The following EBF4 variants were observed in gnomAD, a reference collection of about 807,000 sequenced individuals.
EBF4 encodes transcription factor COE4.
Under a neutral mutation model 67.1 loss-of-function variants are expected in EBF4, and 34 were observed. The ratio of observed to expected loss-of-function variants is 0.51; its 90% CI spans 0.39 to 0.67. The LOEUF (loss-of-function observed/expected upper bound fraction) is 0.67. Among genes scored for constraint, EBF4 ranks in the 30% least tolerant of loss-of-function variants. The pLI is 0.00. For synonymous variants in EBF4, 387 were observed against 377.7 expected (o/e 1.02, Z -0.29); for missense variants, 837 against 873.3 (o/e 0.96, Z 0.52).
At position 2,697,386 on chromosome 20, in the gene EBF4, A is replaced by G. The variant is rs546861664; in HGVS notation, c.137+3604A>G. 1.0e-3 allele frequency among the ~76,000 whole-genome samples: 157 copies of G among 151,864 alleles called. 1 individual carries two copies. Among genetic ancestry groups the G allele is most frequent in the Admixed American group, 1.8e-3 (28 of 15,280 alleles). On this transcript the variant is annotated intron_variant, in intron 1 of 16. Transcript: ENST00000609451. ...CGGTGAAACCCCGTCTCTACTAAAAATACAAAAAATTAGCCGGGCGTGGTG... is the reference window on the plus strand; with the variant it reads ...CGGTGAAACCCCGTCTCTACTAAAAGTACAAAAAATTAGCCGGGCGTGGTG...
In EBF4 at chr20:2,709,819, G is replaced by T. The variant is rs1285124680; in HGVS notation, c.557+177G>T. ...AGGCACCAGGGAGCCTCCAGCCGTG[G>T]CCCCTGAGTGAGGCCCCAGGTGGCC... On this transcript the variant is annotated intron_variant, in intron 6 of 16. Transcript: ENST00000609451. 2.0e-5 allele frequency among the ~76,000 whole-genome samples: 3 copies of T among 151,318 alleles called. No homozygotes were observed. In the East Asian group the frequency reaches 5.9e-4, roughly 30 times the overall value.
At chr20:2,695,548 G>C (rs377686354) in intron 1 of EBF4, among the ~76,000 whole-genome samples, 1 of 152,152 alleles carries the variant, frequency 6.6e-6, no homozygotes. Flanking sequence ...TAATCCCCAA[G>C]TGTGGAGACT....
At chr20:2,750,093 T>G in intron 10 of EBF4, 120 bp downstream of exon 10, 2 of 1,394,974 alleles carry the variant, frequency 1.4e-6, no homozygotes, top group East Asian at 2.6e-5. Flanking sequence ...CCACGACCCC[T>G]AGACGGCCCC....
chr20:2,746,731 C>T (rs541632584), intron 6 of EBF4, among the ~76,000 whole-genome samples: 2 of 152,040 alleles, frequency 1.3e-5, no homozygotes, highest in Non-Finnish European at 2.9e-5. Flanking sequence ...GTAACTATAC[C>T]GTGGTTAAAG....
In EBF4 at chr20:2,709,587, CG is replaced by C; in HGVS notation, c.504del (p.Lys169ArgfsTer32). 2 of 1,556,340 alleles carry C rather than the reference CG, an allele frequency of 1.3e-6. No homozygotes were observed. The highest frequency in any genetic ancestry group is 1.7e-6 in the Non-Finnish European group (2 of 1,149,470). On this transcript the variant is annotated frameshift_variant, in exon 6 of 17. Transcript: ENST00000609451. LOFTEE classifies it high-confidence loss of function. ...TCTTTCCTTCAGCCGGTGCTGTGAC[CG>C]GAAGAGCTGTGGCAACCGGAATGAG...
rs1310201425 is a variant in EBF4 at position 2,756,373 on chromosome 20, A to G, written c.1738+549A>G. ...AAATGGCTGTTCTCTCACTTTACCC[A>G]TGTGCAGCAGAACCTTTGAACCAGC... is the stretch of plus-strand genomic sequence containing the variant. On this transcript the variant is annotated intron_variant, in intron 15 of 16. Transcript: ENST00000609451. The surrounding 1 kb of genome is among the most constrained non-coding windows in gnomAD (Gnocchi z 4.5). Among the ~76,000 whole-genome samples the G allele has an allele frequency of 6.6e-6, 1 of 152,138 alleles. No individual in the cohort carries two copies. Among genetic ancestry groups the G allele is most frequent in the African/African-American group, 2.4e-5 (1 of 41,408 alleles).
At chr20:2,694,761 A>T (rs1165846390) in intron 1 of EBF4, among the ~76,000 whole-genome samples, 1 of 151,718 alleles carries the variant, frequency 6.6e-6, no homozygotes, top group African/African-American at 2.4e-5. Flanking sequence ...CCACATTCAC[A>T]CTCCGCAGGA....
chr20:2,757,363 A>G (rs1455412886), intron 15 of EBF4, among the ~76,000 whole-genome samples: 2 of 152,068 alleles, frequency 1.3e-5, no homozygotes, highest in African/African-American at 4.8e-5. Context: ...TGCCCTGCAC[A>G]CAGAATGGGG....
chr20:2,703,789 G>A (rs1163333031), intron 1 of EBF4, among the ~76,000 whole-genome samples: 1 of 152,098 alleles, frequency 6.6e-6, no homozygotes, highest in Non-Finnish European at 1.5e-5. Flanking sequence ...CACAATTTCT[G>A]AGGTCAGAAT....
At chr20:2,714,046 T>A (rs2087576635) in intron 6 of EBF4, among the ~76,000 whole-genome samples, 1 of 152,176 alleles carries the variant, frequency 6.6e-6, no homozygotes, top group Non-Finnish European at 1.5e-5. Context: ...GAGTAAAGCT[T>A]CATGGAGTGA....
At chr20:2,737,262 AAAAG>A (rs1295750053) in intron 6 of EBF4, among the ~76,000 whole-genome samples, 3 of 119,580 alleles carry the variant, frequency 2.5e-5, no homozygotes, top group East Asian at 3.7e-4. Context: ...AAAAAAAAAA[AAAAG>A]AAAAGAAAAG....
At chr20:2,737,216 C>T (rs1220542118) in intron 6 of EBF4, among the ~76,000 whole-genome samples, 37 of 146,110 alleles carry the variant, frequency 2.5e-4, no homozygotes, top group African/African-American at 7.4e-4. Flanking sequence ...CGCCACTGCA[C>T]TCCAGCTTGG....
intron 14 of EBF4, among the ~76,000 whole-genome samples, chr20:2,754,475 A>C (rs1001489721): frequency 6.6e-6 from 1 of 152,160 alleles, no homozygotes; most frequent in African/African-American, 2.4e-5. Context: ...CAAGCCCTTC[A>C]TCGGGCTCTG....
intron 14 of EBF4, among the ~76,000 whole-genome samples, chr20:2,753,648 G>A (rs1438692284): frequency 1.3e-5 from 2 of 152,328 alleles, no homozygotes; most frequent in Non-Finnish European, 2.9e-5. Flanking sequence ...GGCTTTGCCC[G>A]TGGTGCCCTC....
intron 6 of EBF4, among the ~76,000 whole-genome samples, chr20:2,727,787 T>C (rs1035050774): frequency 9.2e-5 from 14 of 152,246 alleles, no homozygotes; most frequent in African/African-American, 3.4e-4. Context: ...TTGATTATAA[T>C]TTTGATTTGC....
rs1398177724 is a variant in EBF4, at chr20:2,707,310, T to C, written c.415-637T>C. On this transcript the variant is annotated intron_variant, in intron 4 of 16. Coordinates refer to ENST00000609451, the Ensembl canonical transcript of EBF4. This position sits in a 1 kb window ranked among gnomAD's most constrained non-coding sequence, Gnocchi z 4.6. ...GGGGAAGGCACAGAGGGTTATAAAC[T>C]AGGAAGGCAGATTTGCAGTTAGGAA... is the stretch of plus-strand genomic sequence containing the variant. Among the ~76,000 whole-genome samples, 2 of 151,930 alleles carry C rather than the reference T, an allele frequency of 1.3e-5. No individual in the cohort carries two copies. Among genetic ancestry groups the C allele is most frequent in the Non-Finnish European group, 2.9e-5 (2 of 67,964 alleles).
intron 14 of EBF4, among the ~76,000 whole-genome samples, chr20:2,754,207 C>A (rs572460486): frequency 1.7e-4 from 26 of 152,310 alleles, no homozygotes; most frequent in Non-Finnish European, 1.8e-4. Context: ...TTCCACTCCC[C>A]ACGTTCAGGG....
intron 6 of EBF4, among the ~76,000 whole-genome samples, chr20:2,732,652 C>T (rs1429169146): frequency 6.6e-6 from 1 of 152,172 alleles, no homozygotes; most frequent in Non-Finnish European, 1.5e-5. Context: ...CTCACATAGA[C>T]AGCATATAGT....
chr20:2,726,629 G>A (rs187012087), intron 6 of EBF4, among the ~76,000 whole-genome samples: 33 of 151,124 alleles, frequency 2.2e-4, no homozygotes, highest in East Asian at 1.7e-3. Context: ...AGATTTAAAC[G>A]TGTTTTAATA....
Sources: allele counts gnomAD v4.1 joint callset (sites outside exome capture counted in the v4.1 genomes callset), GRCh38; gene constraint gnomAD v4.1.1; non-coding constraint Gnocchi (gnomAD v3.1); transcripts MANE v1.5; gene names NCBI Gene and HGNC (gene_info 2026-07-23, HGNC 2026-07-21).